Variants in KIF16B observed in about 807,000 individuals in gnomAD.
The protein encoded by KIF16B is kinesin family member 16B.
KIF16B carries 98 observed loss-of-function variants against 156.3 expected under a neutral mutation model. The ratio of observed to expected loss-of-function variants is 0.63; its 90% CI spans 0.53 to 0.74. KIF16B has a LOEUF of 0.74. Ranked by LOEUF, KIF16B falls within the 30% of genes least tolerant of loss-of-function variation. The pLI is 0.00. For synonymous variants in KIF16B, 564 were observed against 583.7 expected (o/e 0.97, Z 0.49); for missense variants, 1,421 against 1,606.5 (o/e 0.88, Z 1.97).
At chr20:16,446,713 A>G (rs2051315729) in intron 12 of KIF16B, among the ~76,000 whole-genome samples, 3 of 152,214 alleles carry the variant, frequency 2.0e-5, no homozygotes, top group South Asian at 4.1e-4. Context: ...GTTAAATTCT[A>G]AACAGGGAAA....
At chr20:16,411,581 GA>G (rs747045210) in intron 15 of KIF16B, among the ~76,000 whole-genome samples, 2 of 151,060 alleles carry the variant, frequency 1.3e-5, no homozygotes, top group South Asian at 2.1e-4. Context: ...GAATAAGTAA[GA>G]AAAAAAAACC....
intron 17 of KIF16B, among the ~76,000 whole-genome samples, chr20:16,387,807 C>T (rs2065264514): frequency 6.6e-6 from 1 of 152,108 alleles, no homozygotes; most frequent in Admixed American, 6.5e-5. Flanking sequence ...ATCTAAGAGT[C>T]TCTGGATTGG....
intron 24 of KIF16B, among the ~76,000 whole-genome samples, chr20:16,326,524 A>G (rs2063852878): frequency 6.6e-6 from 1 of 151,948 alleles, no homozygotes; most frequent in South Asian, 2.1e-4. Context: ...TGAATAGACA[A>G]TTCTCAAAAG....
intron 12 of KIF16B, among the ~76,000 whole-genome samples, chr20:16,490,286 G>A (rs925690894): frequency 1.3e-5 from 2 of 152,052 alleles, no homozygotes; most frequent in Admixed American, 6.5e-5. Flanking sequence ...GGTGGCTCAC[G>A]CCTGCAACAC....
At chr20:16,434,875 A>G (rs2066602860) in intron 12 of KIF16B, among the ~76,000 whole-genome samples, 1 of 152,164 alleles carries the variant, frequency 6.6e-6, no homozygotes, top group Admixed American at 6.5e-5. Flanking sequence ...TGCAACCCTG[A>G]CTACAAACAC....
rs369542331 is a variant in KIF16B, at chr20:16,538,277, G to A, written c.48-9837C>T. On this transcript the variant is annotated intron_variant, in intron 1 of 25. Coordinates refer to ENST00000354981, the MANE Select transcript of KIF16B (RefSeq NM_024704.5). Reference sequence around the variant, plus strand: ...TAATTCTTCAGCTGAAAACTACAACGCCAGGCACTGAGATTACCCAGCCTC... The same window carrying A: ...TAATTCTTCAGCTGAAAACTACAACACCAGGCACTGAGATTACCCAGCCTC... Among the ~76,000 whole-genome samples, 7 of 152,212 alleles carry A rather than the reference G, an allele frequency of 4.6e-5. No individual in the cohort carries two copies. The South Asian group carries it at 1.2e-3, about 27-fold the overall frequency.
rs1400702213 is a variant in KIF16B, at chr20:16,499,212, C to T, written c.1177-1534G>A. On this transcript the variant is annotated intron_variant, in intron 10 of 25. Transcript: ENST00000354981. ...GCATCTCTTTCAAAAATGCCAAAGG[C>T]ACATCCTCCAGGGGCCCCACAAGGG... Among the ~76,000 whole-genome samples the T allele has an allele frequency of 3.3e-5, 5 of 152,270 alleles. No individual in the cohort carries two copies. In the Middle Eastern group the frequency reaches 0.01, roughly 311 times the overall value.
intron 1 of KIF16B, among the ~76,000 whole-genome samples, chr20:16,546,744 C>A (rs74349786): frequency 6.6e-6 from 1 of 152,100 alleles, no homozygotes; most frequent in African/African-American, 2.4e-5. Context: ...AACAGAAACA[C>A]AAAAATTCTT....
chr20:16,352,751 G>A (rs2064362564), intron 23 of KIF16B, among the ~76,000 whole-genome samples: 2 of 152,226 alleles, frequency 1.3e-5, no homozygotes, highest in African/African-American at 4.8e-5. Flanking sequence ...AGGAGGGCGA[G>A]GGGAAGATGA....
intron 15 of KIF16B, 39 bp downstream of exon 15, chr20:16,427,065 C>A (rs1178916667): frequency 5.9e-6 from 9 of 1,517,034 alleles, no homozygotes; most frequent in Non-Finnish European, 7.9e-6. Context: ...TTTTCTCAAA[C>A]AATATATACA....
intron 10 of KIF16B, among the ~76,000 whole-genome samples, chr20:16,500,599 T>G (rs977962591): frequency 6.6e-6 from 1 of 152,162 alleles, no homozygotes; most frequent in Non-Finnish European, 1.5e-5. Context: ...ATTACGAAAG[T>G]TGATATCATG....
intron 1 of KIF16B, among the ~76,000 whole-genome samples, chr20:16,532,185 T>TAA (rs11087173): frequency 2.0e-5 from 3 of 152,154 alleles, no homozygotes; most frequent in African/African-American, 7.2e-5. Flanking sequence ...TATTATGACT[T>TAA]AAAAAACCTT....
At chr20:16,370,703 G>A (rs1168072204) in intron 21 of KIF16B, 67 bp from the exon 22 acceptor site, 7 of 1,136,646 alleles carry the variant, frequency 6.2e-6, no homozygotes, top group Admixed American at 5.2e-5. Flanking sequence ...GGACTGATTC[G>A]ATTACAAGTA....
At chr20:16,446,518 A>G (rs1000267286) in intron 12 of KIF16B, among the ~76,000 whole-genome samples, 2 of 152,220 alleles carry the variant, frequency 1.3e-5, no homozygotes, top group African/African-American at 4.8e-5. Context: ...CTGCATCCTT[A>G]CATGCCTTGA....
chr20:16,411,989 T>A (rs1213174590), intron 15 of KIF16B, among the ~76,000 whole-genome samples: 4 of 148,384 alleles, frequency 2.7e-5, no homozygotes, highest in African/African-American at 1.0e-4. Context: ...TGCTAATAAA[T>A]GAAACTATAG....
intron 25 of KIF16B, among the ~76,000 whole-genome samples, chr20:16,311,460 C>A (rs2063618706): frequency 1.3e-5 from 2 of 152,170 alleles, no homozygotes; most frequent in Admixed American, 1.3e-4. Context: ...TGAACTCCAG[C>A]CTGGGCAACA....
chr20:16,487,254 A>T (rs1160778389), intron 12 of KIF16B, among the ~76,000 whole-genome samples: 1 of 151,902 alleles, frequency 6.6e-6, no homozygotes, highest in Non-Finnish European at 1.5e-5. Context: ...TCCATCTCAA[A>T]AAAAAAAAGA....
intron 12 of KIF16B, among the ~76,000 whole-genome samples, chr20:16,475,774 T>C (rs932750774): frequency 3.3e-5 from 5 of 152,224 alleles, no homozygotes; most frequent in South Asian, 4.1e-4. Flanking sequence ...AAAAGCTTTC[T>C]AATAGCAAGC....
intron 3 of KIF16B, 32 bp downstream of exon 3, chr20:16,526,060 A>ATTT: frequency 1.6e-6 from 2 of 1,229,124 alleles, no homozygotes; most frequent in Non-Finnish European, 2.3e-6. Context: ...GTGAAAATAA[A>ATTT]TCAACATAAA....
Sources: allele counts gnomAD v4.1 joint callset (sites outside exome capture counted in the v4.1 genomes callset), GRCh38; gene constraint gnomAD v4.1.1; transcripts MANE v1.5; gene names NCBI Gene and HGNC (gene_info 2026-07-23, HGNC 2026-07-21).